Variants in TYK2 observed in about 807,000 individuals in gnomAD.
The protein encoded by TYK2 is tyrosine kinase 2, also known as non-receptor tyrosine-protein kinase TYK2.
In TYK2, 65 loss-of-function variants were observed where a neutral mutation model predicts 130.9. That is an observed-to-expected ratio of 0.50 (90% CI 0.41 to 0.61). TYK2 has a LOEUF of 0.61. Ranked by LOEUF, TYK2 falls within the 20% of genes least tolerant of loss-of-function variation. TYK2 has a pLI of 0.00. For synonymous variants in TYK2, 647 were observed against 658.9 expected (o/e 0.98, Z 0.28); for missense variants, 1,378 against 1,610.7 (o/e 0.86, Z 2.47).
Position 10,353,149 on chromosome 19 carries a change from G to C in TYK2, c.3028-51C>G. 3 of 1,434,084 alleles carry C rather than the reference G, an allele frequency of 2.1e-6. No homozygotes were observed. The highest frequency in any genetic ancestry group is 2.8e-6 in the Non-Finnish European group (3 of 1,087,254). The allele number at this position is 1,434,084 out of a possible 1,614,324, so 88.8% of individuals were successfully genotyped here. A position where few individuals can be genotyped will look rare whatever the true frequency, so the allele number is the denominator to read the frequency against. On this transcript the variant is annotated intron_variant, in intron 21 of 24. Transcript: ENST00000525621. This position sits in a 1 kb window ranked among gnomAD's most constrained non-coding sequence, Gnocchi z 6.9. ...TTTCAGTGGGGCGGGGTTCGGCCGG[G>C]GGCGGCGGCAGGACCTGAGCAGCCA...
intron 3 of TYK2, among the ~76,000 whole-genome samples, chr19:10,371,781 C>T (rs376331731): frequency 2.0e-5 from 3 of 152,158 alleles, no homozygotes; most frequent in South Asian, 2.1e-4. Flanking sequence ...CTCCCGGCTG[C>T]GCAGTAGTCC....
rs940835312 is a variant in TYK2, at chr19:10,361,414, T to C, written c.2047+97A>G. ...GTGAGAGTTGAGAAATAGGCATAGG[T>C]TGGGGTGTAGGTCGAGGGTTGGGGT... On this transcript the variant is annotated intron_variant, in intron 14 of 24. Coordinates refer to ENST00000525621, the MANE Select transcript of TYK2 (RefSeq NM_003331.5). This position sits in a 1 kb window ranked among gnomAD's most constrained non-coding sequence, Gnocchi z 4.0. The C allele has an allele frequency of 1.3e-5, 16 of 1,192,964 alleles. No individual in the cohort carries two copies. Among genetic ancestry groups the C allele is most frequent in the African/African-American group, 3.0e-5 (2 of 66,032 alleles). The allele number at this position is 1,192,964 out of a possible 1,614,324, so 73.9% of individuals were successfully genotyped here. A position where few individuals can be genotyped will look rare whatever the true frequency, so the allele number is the denominator to read the frequency against.
At chr19:10,375,683 G>A (rs1002567943) in intron 3 of TYK2, among the ~76,000 whole-genome samples, 4 of 151,036 alleles carry the variant, frequency 2.6e-5, no homozygotes, top group Non-Finnish European at 2.9e-5. Flanking sequence ...TTGGAGGGCC[G>A]AGGCGGGCAG....
intron 22 of TYK2, 54 bp downstream of exon 22, chr19:10,352,872 C>G: frequency 6.5e-7 from 1 of 1,537,478 alleles, no homozygotes; most frequent in South Asian, 1.2e-5. Context: ...CTACTCCACC[C>G]TGCCTGTTCC....
rs2040783758 is a variant in TYK2 at position 10,351,165 on chromosome 19, AC to A, written c.3319-4del. On this transcript the variant is annotated splice_polypyrimidine_tract_variant and splice_region_variant and intron_variant, in intron 23 of 24. Coordinates refer to ENST00000525621, the MANE Select transcript of TYK2 (RefSeq NM_003331.5). ...ATGCCTATGAGCTCAAGGAATTTCTACAGTATAAACAAGACAAGCTCTTTTC... is the reference window on the plus strand; with the variant it reads ...ATGCCTATGAGCTCAAGGAATTTCTAAGTATAAACAAGACAAGCTCTTTTC... The A allele has an allele frequency of 6.2e-7, 1 of 1,610,920 alleles. No individual in the cohort carries two copies. Among genetic ancestry groups the A allele is most frequent in the Non-Finnish European group, 8.5e-7 (1 of 1,177,880 alleles).
chr19:10,353,918 G>A lies in TYK2; in HGVS notation c.2908+124C>T. 9.3e-7 allele frequency: 1 copy of A among 1,073,204 alleles called. No individual in the cohort carries two copies. The highest frequency in any genetic ancestry group is 1.4e-6 in the Non-Finnish European group (1 of 721,254). 66.5% of individuals were successfully genotyped at this position (1,073,204 alleles called of 1,614,324 possible). ...CACGCTCACCCAGATGCCAAGAACC[G>A]CGTACTGCAGCCTGGGGTTGAGAGT... On this transcript the variant is annotated intron_variant, in intron 20 of 24. Coordinates refer to ENST00000525621, the MANE Select transcript of TYK2 (RefSeq NM_003331.5). This position sits in a 1 kb window ranked among gnomAD's most constrained non-coding sequence, Gnocchi z 6.9.
intron 19 of TYK2, 32 bp downstream of exon 19, chr19:10,354,480 G>C: frequency 6.3e-7 from 1 of 1,593,346 alleles, no homozygotes; most frequent in Non-Finnish European, 8.6e-7. Context: ...CCGACCAGGC[G>C]GGCCTTTTAG....
intron 3 of TYK2, chr19:10,368,797 T>C: frequency 4.3e-6 from 1 of 232,446 alleles, no homozygotes; most frequent in Non-Finnish European, 8.7e-6. Context: ...CAACCTGTAC[T>C]TGATTTTAAG....
rs1317667304 is a variant in TYK2 at position 10,366,526 on chromosome 19, C to T, written c.520G>A (p.Glu174Lys). ...TCATTCTTAAAGTGGTGGATCTCCTCCTCGGTCGACAGCTCCCACAGTGAT... is the reference window on the plus strand; with the variant it reads ...TCATTCTTAAAGTGGTGGATCTCCTTCTCGGTCGACAGCTCCCACAGTGAT... ...VASLWELSTEEEIHHFKNESL... is the reference protein window; with the variant it reads ...VASLWELSTEKEIHHFKNESL... The change falls in exon 6 of 25, where the codon GAG becomes AAG. Residue 174 changes from glutamate (E) to lysine (K), a missense_variant. Transcript: ENST00000525621. The T allele has an allele frequency of 7.4e-6, 12 of 1,613,930 alleles. No homozygotes were observed. Among genetic ancestry groups the T allele is most frequent in the East Asian group, 6.7e-5 (3 of 44,884 alleles).
chr19:10,360,261 G>A (rs1161596403), intron 14 of TYK2, among the ~76,000 whole-genome samples: 2 of 152,214 alleles, frequency 1.3e-5, no homozygotes, highest in African/African-American at 4.8e-5. Flanking sequence ...TTGGGAGGCT[G>A]AGGCAGGAAG....
chr19:10,357,150 A>AGGT (rs1277950307), intron 17 of TYK2: 6 of 380,592 alleles, frequency 1.6e-5, no homozygotes, highest in Non-Finnish European at 3.0e-5. Flanking sequence ...GCACTTTGGG[A>AGGT]GGCCGAGGTG....
chr19:10,372,484 A>ATATATATATATATATTT (rs1390400916), intron 3 of TYK2, among the ~76,000 whole-genome samples: 2 of 37,436 alleles, frequency 5.3e-5, no homozygotes, highest in Non-Finnish European at 9.0e-5. Context: ...ATATATATAT[A>ATATATATATATATATTT]TTTTTTTTTT....
rs955743773 is a variant in TYK2, at chr19:10,364,925, C to T, written c.1135G>A (p.Asp379Asn). 1.2e-6 allele frequency: 2 copies of T among 1,614,100 alleles called. No homozygotes were observed. Among genetic ancestry groups the T allele is most frequent in the Non-Finnish European group, 1.7e-6 (2 of 1,180,046 alleles). ...PREPLWAYFCDFRDITHVVLK... is the reference protein window; with the variant it reads ...PREPLWAYFCNFRDITHVVLK... ...ACCACGTGGGTGATGTCCCGGAAGT[C>T]ACAGAAGTAGGCCCACAGTGGCTCC... The change falls in exon 8 of 25, where the codon GAC (aspartate) becomes AAC (asparagine). Residue 379 changes from aspartate to asparagine, a missense_variant. Physicochemically the swap from Asp to Asn is conservative, Grantham distance 23. Transcript: ENST00000525621. The surrounding 1 kb of genome is among the most constrained non-coding windows in gnomAD (Gnocchi z 4.9).
At chr19:10,376,185 G>C in intron 3 of TYK2, among the ~76,000 whole-genome samples, 1 of 147,462 alleles carries the variant, frequency 6.8e-6, no homozygotes, top group Non-Finnish European at 1.5e-5. Flanking sequence ...GCTACATTTT[G>C]TATTTTTAGT....
At chr19:10,372,557 AC>A (rs2041965407) in intron 3 of TYK2, among the ~76,000 whole-genome samples, 1 of 131,774 alleles carries the variant, frequency 7.6e-6, no homozygotes, top group Admixed American at 8.7e-5. Context: ...TGGCATGATC[AC>A]TGTAGCTTCA....
Position 10,376,022 on chromosome 19 carries a change from TTTTC to T in TYK2, c.193+2188_193+2191del, listed in dbSNP as rs1376389781. On this transcript the variant is annotated intron_variant, in intron 3 of 24. Transcript: ENST00000525621. ...GCCTTTCTTTCTTTTTTTTTTTTTT[TTTTC>T]TTTGAGATGGAGTTTCGCTCTTGTT... Among the ~76,000 whole-genome samples, 635 of 150,502 alleles carry T rather than the reference TTTTC, an allele frequency of 4.2e-3. 2 individuals are homozygous for T. Among genetic ancestry groups the T allele is most frequent in the Middle Eastern group, 6.8e-3 (2 of 292 alleles).
In TYK2 at chr19:10,368,202, C is replaced by T. The variant is rs769483124; in HGVS notation, c.318G>A (p.Arg106=). 2 of 1,614,106 alleles carry T rather than the reference C, an allele frequency of 1.2e-6. No homozygotes were observed. The highest frequency in any genetic ancestry group is 1.7e-6 in the Non-Finnish European group (2 of 1,180,034). ...TGCCATGCCAGTTCCGGAAATAAAA[C>T]CTGCAGGAAGGAGGGACGCAGCTGG... ...DASLMLYFRI[R]FYFRNWHGMN... Residue 106 remains arginine (R), a splice_region_variant and synonymous_variant, in exon 5 of 25, where the codon AGG becomes AGA. Transcript: ENST00000525621.
At chr19:10,365,110 C>T in intron 7 of TYK2, 62 bp from the exon 8 acceptor site, 1 of 1,496,244 alleles carries the variant, frequency 6.7e-7, no homozygotes, top group Non-Finnish European at 9.0e-7. Context: ...ACCTCCTGCA[C>T]TTTCCCCTGG....
intron 3 of TYK2, among the ~76,000 whole-genome samples, chr19:10,374,914 C>T (rs902398806): frequency 4.6e-5 from 7 of 151,352 alleles, no homozygotes; most frequent in Non-Finnish European, 7.4e-5. Context: ...CATGGCCAGG[C>T]GCGATGGCTC....
Sources: gnomAD v4.1 joint callset for allele counts (sites outside exome capture counted in the v4.1 genomes callset) on GRCh38, gnomAD v4.1.1 for gene constraint, Gnocchi (gnomAD v3.1) non-coding constraint, MANE v1.5 for transcripts, NCBI Gene and HGNC (gene_info 2026-07-23, HGNC 2026-07-21) for gene names.